Variants in RTN4R observed in about 807,000 individuals in gnomAD.
The protein encoded by RTN4R is reticulon-4 receptor.
In RTN4R, 4 loss-of-function variants were observed where a neutral mutation model predicts 27.7. The observed-to-expected ratio is 0.14, with a 90% CI of 0.07 to 0.33. The LOEUF (loss-of-function observed/expected upper bound fraction) is 0.33, where lower values mean the gene tolerates loss of function less well. Ranked by LOEUF, RTN4R falls within the 10% of genes least tolerant of loss-of-function variation. The probability of loss-of-function intolerance (pLI) is 1.00; values close to 1 mark genes in which losing one functional copy is unlikely to be tolerated. For missense variants in RTN4R, 554 were observed against 671.5 expected (o/e 0.83, Z 1.93); for synonymous variants, 290 against 305.6 (o/e 0.95, Z 0.53).
chr22:20,249,257 C>G (rs368727321), intron 1 of RTN4R: 1 of 527,848 alleles, frequency 1.9e-6, no homozygotes, highest in Non-Finnish European at 3.9e-6. Context: ...ACCCTGGGGA[C>G]GCACTCTGAG....
At chr22:20,265,445 G>A (rs559420356) in intron 1 of RTN4R, among the ~76,000 whole-genome samples, 5 of 152,166 alleles carry the variant, frequency 3.3e-5, no homozygotes, top group African/African-American at 1.2e-4. Context: ...TTTCAGAGAC[G>A]TGCTGGGCCA....
intron 1 of RTN4R, among the ~76,000 whole-genome samples, chr22:20,246,444 G>T (rs1465383501): frequency 6.6e-6 from 1 of 151,898 alleles, no homozygotes; most frequent in East Asian, 1.9e-4. Context: ...GGAGTGTGGC[G>T]GGGGGAGGAG....
intron 1 of RTN4R, among the ~76,000 whole-genome samples, chr22:20,263,582 G>C (rs1427927389): frequency 6.6e-6 from 1 of 152,244 alleles, no homozygotes; most frequent in African/African-American, 2.4e-5. Flanking sequence ...AGGGCAGGCT[G>C]CTCTGAGTGA....
intron 1 of RTN4R, among the ~76,000 whole-genome samples, chr22:20,252,061 A>G (rs2051186626): frequency 6.8e-6 from 1 of 148,120 alleles, no homozygotes; most frequent in African/African-American, 2.5e-5. Flanking sequence ...AATCACTATC[A>G]TCACCATCAC....
At chr22:20,264,093 G>A (rs900907587) in intron 1 of RTN4R, among the ~76,000 whole-genome samples, 7 of 152,204 alleles carry the variant, frequency 4.6e-5, no homozygotes, top group Non-Finnish European at 7.3e-5. Context: ...AGCATCGGGG[G>A]AGAGGCACGT....
intron 1 of RTN4R, among the ~76,000 whole-genome samples, chr22:20,259,685 C>T (rs950671824): frequency 1.3e-5 from 2 of 152,200 alleles, no homozygotes; most frequent in African/African-American, 4.8e-5. Flanking sequence ...GGAGCCTCCT[C>T]AGCCCCCAGG....
At chr22:20,243,399 C>T (rs1434556368) in intron 1 of RTN4R, 1 of 669,882 alleles carries the variant, frequency 1.5e-6, no homozygotes, top group Admixed American at 2.1e-5. Context: ...TCACCAGGGG[C>T]ACTCACTTGA....
At chr22:20,258,849 G>A (rs1403701537) in intron 1 of RTN4R, among the ~76,000 whole-genome samples, 3 of 152,226 alleles carry the variant, frequency 2.0e-5, no homozygotes, top group African/African-American at 7.2e-5. Context: ...GGTGGTTGGG[G>A]TGGCTTCCCG....
At chr22:20,261,210 C>A (rs1028415150) in intron 1 of RTN4R, among the ~76,000 whole-genome samples, 1 of 152,180 alleles carries the variant, frequency 6.6e-6, no homozygotes, top group African/African-American at 2.4e-5. Flanking sequence ...CAGAGTCCAG[C>A]CTGGATCCCC....
chr22:20,253,151 G>A (rs944279818), intron 1 of RTN4R, among the ~76,000 whole-genome samples: 3 of 152,216 alleles, frequency 2.0e-5, no homozygotes, highest in Admixed American at 6.5e-5. Flanking sequence ...GATCCTGGCT[G>A]CATCTGGGCT....
chr22:20,267,596 A>G, intron 1 of RTN4R: 1 of 465,082 alleles, frequency 2.2e-6, no homozygotes, highest in South Asian at 1.6e-5. Context: ...CATTCATCCC[A>G]CTGTGGACTG....
In RTN4R at chr22:20,268,108, G is replaced by A; in HGVS notation, c.-16C>T. 1 of 1,175,104 alleles carries A rather than the reference G, an allele frequency of 8.5e-7. No homozygotes were observed. The highest frequency in any genetic ancestry group is 1.1e-6 in the Non-Finnish European group (1 of 947,440). The allele number at this position is 1,175,104 out of a possible 1,614,324, so 72.8% of individuals were successfully genotyped here. On this transcript the variant is annotated 5_prime_UTR_variant, in exon 1 of 2. Coordinates refer to ENST00000043402, the MANE Select transcript of RTN4R (RefSeq NM_023004.6). ...CCCTCTTCATCGTAGGGGTTGGGCG[G>A]GGCGCGTCGGGGACTGAAAGTCGTT...
intron 1 of RTN4R, among the ~76,000 whole-genome samples, chr22:20,263,346 C>T (rs1013868625): frequency 1.3e-5 from 2 of 152,220 alleles, no homozygotes; most frequent in African/African-American, 4.8e-5. Context: ...GGGTGCCTCT[C>T]AGAGAAGGTG....
chr22:20,264,527 T>G (rs1005380653), intron 1 of RTN4R, among the ~76,000 whole-genome samples: 1 of 152,194 alleles, frequency 6.6e-6, no homozygotes, highest in Admixed American at 6.5e-5. Flanking sequence ...ACCCCTTGAT[T>G]TGCCTGGCTC....
chr22:20,258,394 G>A (rs1048166966), intron 1 of RTN4R, among the ~76,000 whole-genome samples: 11 of 152,200 alleles, frequency 7.2e-5, no homozygotes, highest in Admixed American at 5.9e-4. Flanking sequence ...CTTGCCCAAG[G>A]TGTCCATCCT....
intron 1 of RTN4R, among the ~76,000 whole-genome samples, chr22:20,260,760 T>C (rs1382006320): frequency 2.0e-5 from 3 of 151,646 alleles, no homozygotes; most frequent in South Asian, 4.2e-4. Context: ...CCAGCACAAG[T>C]GAAGGGCGGG....
intron 1 of RTN4R, among the ~76,000 whole-genome samples, chr22:20,263,889 C>T (rs1028187905): frequency 3.9e-5 from 6 of 152,256 alleles, no homozygotes; most frequent in Admixed American, 3.9e-4. Flanking sequence ...GCCCCGCAGG[C>T]CATAGCAGGC....
chr22:20,257,916 G>A (rs1266712985), intron 1 of RTN4R, among the ~76,000 whole-genome samples: 1 of 152,124 alleles, frequency 6.6e-6, no homozygotes, highest in Admixed American at 6.5e-5. Flanking sequence ...CAGGGCTTGG[G>A]GCCCTGGCTC....
chr22:20,249,479 G>A (rs775637734), intron 1 of RTN4R, among the ~76,000 whole-genome samples: 5 of 152,200 alleles, frequency 3.3e-5, no homozygotes, highest in Admixed American at 1.3e-4. Context: ...CCAGAGTGTC[G>A]GCCTTGACAG....
Sources: gnomAD v4.1 joint callset for allele counts (sites outside exome capture counted in the v4.1 genomes callset) on GRCh38, gnomAD v4.1.1 for gene constraint, MANE v1.5 for transcripts, NCBI Gene and HGNC (gene_info 2026-07-23, HGNC 2026-07-21) for gene names.